PPARGC1A: variants seen among roughly 807,000 people sequenced by gnomAD.
PPARGC1A encodes the protein PPARG coactivator 1 alpha.
A neutral mutation model predicts 88.7 loss-of-function variants in PPARGC1A; 25 were observed. The ratio of observed to expected loss-of-function variants is 0.28; its 90% confidence interval spans 0.21 to 0.39. The LOEUF (loss-of-function observed/expected upper bound fraction) is 0.39, where lower values mean the gene tolerates loss of function less well. Among genes scored for constraint, PPARGC1A ranks in the 10% least tolerant of loss-of-function variants. The pLI, the probability that PPARGC1A is intolerant of heterozygous loss-of-function variation, is 1.00. For missense variants in PPARGC1A, 880 were observed against 968.7 expected (o/e 0.91, Z 1.22); for synonymous variants, 363 against 355.6 (o/e 1.02, Z -0.24).
At chr4:24,460,905 T>C in the PPARGC1A span, among the ~76,000 whole-genome samples, 1,046 of 152,324 alleles carry the variant, frequency 6.9e-3, 18 homozygotes, top group East Asian at 0.037. Context: ...AAACTGTTCT[T>C]CTGACATTGT....
At chr4:23,947,390 TATATATAAAA>T in the PPARGC1A span, among the ~76,000 whole-genome samples, 1,113 of 12,002 alleles carry the variant, frequency 0.093, 47 homozygotes, top group African/African-American at 0.11. Context: ...TATATATATA[TATATATAAAA>T]AAAACGGTGA....
At chr4:24,420,738 C>T in the PPARGC1A span, among the ~76,000 whole-genome samples, 2 of 152,126 alleles carry the variant, frequency 1.3e-5, no homozygotes, top group African/African-American at 4.8e-5. Context: ...ATTCTCCAAC[C>T]GATTCTTGCT....
At chr4:23,808,491 C>T (rs1287059596) in intron 10 of PPARGC1A, among the ~76,000 whole-genome samples, 1 of 152,006 alleles carries the variant, frequency 6.6e-6, no homozygotes, top group Non-Finnish European at 1.5e-5. Flanking sequence ...TGTTTTCTGG[C>T]AGAAAACTGT....
the PPARGC1A span, among the ~76,000 whole-genome samples, chr4:24,364,329 G>A: frequency 1.3e-5 from 2 of 152,186 alleles, no homozygotes; most frequent in East Asian, 1.9e-4. Flanking sequence ...ACATTGGTTT[G>A]TATGACATTT....
the PPARGC1A span, among the ~76,000 whole-genome samples, chr4:24,285,673 C>T: frequency 1.3e-5 from 2 of 152,180 alleles, no homozygotes; most frequent in African/African-American, 4.8e-5. Flanking sequence ...AAAGCCTCTG[C>T]CTCTCTCTGT....
the PPARGC1A span, among the ~76,000 whole-genome samples, chr4:24,048,000 A>T: frequency 6.6e-6 from 1 of 152,210 alleles, no homozygotes; most frequent in Admixed American, 6.5e-5. Context: ...ATATATCTCC[A>T]GACTATACTA....
At chr4:24,124,426 T>G in the PPARGC1A span, among the ~76,000 whole-genome samples, 1 of 152,200 alleles carries the variant, frequency 6.6e-6, no homozygotes, top group Admixed American at 6.5e-5. Context: ...ATGGTACTCA[T>G]CATACATTTT....
the PPARGC1A span, among the ~76,000 whole-genome samples, chr4:24,077,628 T>G: frequency 1.1e-3 from 76 of 71,808 alleles, no homozygotes; most frequent in African/African-American, 4.7e-3. Flanking sequence ...TCTAGGGGTG[T>G]GTGTGTGTGT....
At chr4:23,971,970 A>C in the PPARGC1A span, among the ~76,000 whole-genome samples, 1 of 152,104 alleles carries the variant, frequency 6.6e-6, no homozygotes, top group African/African-American at 2.4e-5. Flanking sequence ...GCCATTTTTA[A>C]TCAAATACAT....
the PPARGC1A span, among the ~76,000 whole-genome samples, chr4:24,285,054 TAAAAA>T: frequency 1.7e-3 from 251 of 151,722 alleles, 7 homozygotes; most frequent in East Asian, 0.034. Flanking sequence ...AAGAAGAAGT[TAAAAA>T]AAATCATGCA....
At chr4:24,349,402 A>T in the PPARGC1A span, among the ~76,000 whole-genome samples, 1 of 152,080 alleles carries the variant, frequency 6.6e-6, no homozygotes, top group African/African-American at 2.4e-5. Context: ...ACCAGGGTGG[A>T]TAGGGAAGGG....
chr4:24,048,677 C>T, the PPARGC1A span, among the ~76,000 whole-genome samples: 2 of 152,158 alleles, frequency 1.3e-5, no homozygotes, highest in African/African-American at 2.4e-5. Context: ...TCAACTGTCT[C>T]TACCCAACCT....
At chr4:24,069,168 G>T in the PPARGC1A span, among the ~76,000 whole-genome samples, 3 of 152,198 alleles carry the variant, frequency 2.0e-5, no homozygotes, top group Non-Finnish European at 4.4e-5. Flanking sequence ...AAGCTTCAGG[G>T]TCTTGCATAT....
At chr4:24,356,451 C>T in the PPARGC1A span, among the ~76,000 whole-genome samples, 1 of 152,194 alleles carries the variant, frequency 6.6e-6, no homozygotes, top group Non-Finnish European at 1.5e-5. Flanking sequence ...ACTATATACA[C>T]CTGTAAGTAA....
the PPARGC1A span, among the ~76,000 whole-genome samples, chr4:23,939,296 A>G: frequency 6.6e-6 from 1 of 152,244 alleles, no homozygotes. Context: ...CTGTTTTAAA[A>G]TATGTTTGTT....
the PPARGC1A span, among the ~76,000 whole-genome samples, chr4:24,467,208 A>G: frequency 6.6e-6 from 1 of 152,178 alleles, no homozygotes; most frequent in African/African-American, 2.4e-5. Context: ...GACCTGCAAC[A>G]AACTCTTTTC....
chr4:23,940,579 A>AATGAAAATATC, the PPARGC1A span, among the ~76,000 whole-genome samples: 4 of 152,246 alleles, frequency 2.6e-5, no homozygotes, highest in South Asian at 8.3e-4. Context: ...CTGACTCACT[A>AATGAAAATATC]ACTCTACATG....
At chr4:23,965,506 G>A in the PPARGC1A span, among the ~76,000 whole-genome samples, 13 of 152,106 alleles carry the variant, frequency 8.5e-5, no homozygotes, top group Non-Finnish European at 1.8e-4. Context: ...GTGCCTCTCC[G>A]TACAGAGGTA....
the PPARGC1A span, among the ~76,000 whole-genome samples, chr4:24,005,633 A>G: frequency 6.6e-6 from 1 of 152,162 alleles, no homozygotes; most frequent in South Asian, 2.1e-4. Flanking sequence ...AGGTTTCCAT[A>G]TTTGAGGAGC....
Sources: gnomAD v4.1 joint callset for allele counts (sites outside exome capture counted in the v4.1 genomes callset) on GRCh38, gnomAD v4.1.1 for gene constraint, MANE v1.5 for transcripts, NCBI Gene and HGNC (gene_info 2026-07-23, HGNC 2026-07-21) for gene names.